Variants in RDX observed in about 807,000 individuals in gnomAD.
RDX encodes the protein radixin.
A neutral mutation model predicts 83.7 loss-of-function variants in RDX; 32 were observed. That is an observed-to-expected ratio of 0.38 (90% CI 0.29 to 0.51). RDX has a LOEUF of 0.51. Among genes scored for constraint, RDX ranks in the 20% least tolerant of loss-of-function variants. The pLI, the probability that RDX is intolerant of heterozygous loss-of-function variation, is 0.87. For synonymous variants in RDX, 229 were observed against 222.7 expected, an observed-to-expected ratio of 1.03 and a Z score of -0.25; for missense variants, 600 against 689.9, an observed-to-expected ratio of 0.87 and a Z score of 1.46.
At chr11:110,208,246 C>T (rs987598962) in intron 14 of RDX, among the ~76,000 whole-genome samples, 3 of 152,202 alleles carry the variant, frequency 2.0e-5, no homozygotes, top group Non-Finnish European at 4.4e-5. Context: ...TTGACTGGTA[C>T]ATTTCAATGA....
intron 14 of RDX, among the ~76,000 whole-genome samples, chr11:110,202,325 A>T (rs1375441674): frequency 3.3e-5 from 5 of 151,998 alleles, no homozygotes; most frequent in African/African-American, 1.2e-4. Context: ...CCCTGGAGGC[A>T]GAGGCTGCAG....
intron 9 of RDX, 108 bp downstream of exon 9, chr11:110,253,838 A>G (rs527635343): frequency 1.1e-6 from 1 of 910,130 alleles, no homozygotes; most frequent in Admixed American, 2.0e-5. Flanking sequence ...TAATATAATG[A>G]AAATATTAAT....
chr11:110,216,923 G>T (rs1864075389), intron 14 of RDX, among the ~76,000 whole-genome samples: 1 of 152,104 alleles, frequency 6.6e-6, no homozygotes, highest in African/African-American at 2.4e-5. Context: ...AGCTTATCTT[G>T]GAAGATCACA....
chr11:110,201,903 T>TGTGTGTGTGTG (rs1863419936), intron 14 of RDX, among the ~76,000 whole-genome samples: 1 of 137,220 alleles, frequency 7.3e-6, no homozygotes, highest in Non-Finnish European at 1.6e-5. Flanking sequence ...CCGGCTAATT[T>TGTGTGTGTGTG]TGTGTGTGTG....
chr11:110,295,050 C>T (rs944555703), intron 1 of RDX, among the ~76,000 whole-genome samples: 1 of 152,084 alleles, frequency 6.6e-6, no homozygotes, highest in Non-Finnish European at 1.5e-5. Context: ...TTACAGCATA[C>T]GATTAACTTC....
At chr11:110,217,807 C>T (rs1246703934) in intron 14 of RDX, among the ~76,000 whole-genome samples, 4 of 152,166 alleles carry the variant, frequency 2.6e-5, no homozygotes, top group Admixed American at 2.6e-4. Context: ...CCTCTATAAC[C>T]TTGTCACTGT....
chr11:110,193,791 G>T (rs759469321), intron 15 of RDX, among the ~76,000 whole-genome samples: 18 of 152,134 alleles, frequency 1.2e-4, no homozygotes, highest in Non-Finnish European at 2.5e-4. Flanking sequence ...AAATGCCCAG[G>T]TTTTAACACC....
intron 14 of RDX, among the ~76,000 whole-genome samples, chr11:110,215,364 A>AT (rs1864004671): frequency 3.2e-5 from 4 of 126,126 alleles, no homozygotes; most frequent in African/African-American, 1.3e-4. Flanking sequence ...CTCCATCTCA[A>AT]AAAATAAATA....
chr11:110,177,736 G>A (rs140134598), intron 15 of RDX, among the ~76,000 whole-genome samples: 1,855 of 151,982 alleles, frequency 0.012, 13 homozygotes, highest in Non-Finnish European at 0.019. Context: ...CGCCTGCCTC[G>A]GCGTCCCAAA....
chr11:110,183,173 G>C (rs1037492578), intron 15 of RDX, among the ~76,000 whole-genome samples: 6 of 152,106 alleles, frequency 3.9e-5, no homozygotes, highest in African/African-American at 1.2e-4. Context: ...GTGGGTACAG[G>C]GTGCAGCAGA....
intron 9 of RDX, among the ~76,000 whole-genome samples, chr11:110,251,991 G>A (rs1859359094): frequency 6.6e-6 from 1 of 152,146 alleles, no homozygotes; most frequent in African/African-American, 2.4e-5. Context: ...TGGCTACTTT[G>A]CCAATGGGCT....
chr11:110,237,837 C>T, intron 10 of RDX, 185 bp from the exon 11 acceptor site: 1 of 702,214 alleles, frequency 1.4e-6, no homozygotes, highest in Non-Finnish European at 2.5e-6. Flanking sequence ...GGCTGAAGTG[C>T]AGAAGCTCAC....
intron 14 of RDX, among the ~76,000 whole-genome samples, chr11:110,214,097 A>C (rs1367478557): frequency 1.4e-5 from 2 of 142,504 alleles, no homozygotes; most frequent in Non-Finnish European, 3.1e-5. Context: ...CTCATCTGAC[A>C]AAGGGCTAAT....
intron 15 of RDX, chr11:110,179,944 C>CG (rs1565278119): frequency 2.6e-6 from 1 of 391,646 alleles, no homozygotes; most frequent in South Asian, 1.9e-5. Flanking sequence ...CTTTGTTGCC[C>CG]GGGCTGGAGT....
At chr11:110,218,838 G>A (rs1294127057) in intron 14 of RDX, among the ~76,000 whole-genome samples, 1 of 152,202 alleles carries the variant, frequency 6.6e-6, no homozygotes, top group African/African-American at 2.4e-5. Context: ...GAGCTCTGCA[G>A]TAAGATCAGG....
intron 1 of RDX, among the ~76,000 whole-genome samples, chr11:110,295,179 T>TA (rs1368498758): frequency 9.2e-5 from 14 of 152,154 alleles, no homozygotes; most frequent in African/African-American, 3.1e-4. Flanking sequence ...TCCTGAATAT[T>TA]AGTCTCCTTT....
intron 14 of RDX, among the ~76,000 whole-genome samples, chr11:110,215,368 ATAAAT>A (rs1864006339): frequency 2.4e-5 from 1 of 41,650 alleles, no homozygotes. Flanking sequence ...ATCTCAAAAA[ATAAAT>A]AAATAAATAA....
At chr11:110,206,392 T>C (rs1407092730) in intron 14 of RDX, among the ~76,000 whole-genome samples, 3 of 152,126 alleles carry the variant, frequency 2.0e-5, no homozygotes, top group African/African-American at 4.8e-5. Context: ...TGGATGTGCA[T>C]GTGTGTGTAA....
At chr11:110,277,757 GC>G (rs1448418111) in intron 2 of RDX, among the ~76,000 whole-genome samples, 2 of 150,200 alleles carry the variant, frequency 1.3e-5, no homozygotes, top group Non-Finnish European at 3.0e-5. Flanking sequence ...CCACTGTCTT[GC>G]CTTTATATGT....
Sources: allele counts gnomAD v4.1 joint callset (sites outside exome capture counted in the v4.1 genomes callset), GRCh38; gene constraint gnomAD v4.1.1; transcripts MANE v1.5; gene names NCBI Gene and HGNC (gene_info 2026-07-23, HGNC 2026-07-21).